The following PDE12 variants were observed in gnomAD, a reference collection of about 807,000 sequenced individuals.
PDE12 encodes the protein 2',5'-phosphodiesterase 12.
A neutral mutation model predicts 45.4 loss-of-function variants in PDE12; 26 were observed. The ratio of observed to expected loss-of-function variants is 0.57; its 90% CI spans 0.42 to 0.79. The LOEUF is 0.79. PDE12 is among the 30% of genes least tolerant of loss of function. The probability of loss-of-function intolerance (pLI) is 0.00; values close to 1 mark genes in which losing one functional copy is unlikely to be tolerated. For missense variants in PDE12, 668 were observed against 790.0 expected, an observed-to-expected ratio of 0.85 and a Z score of 1.85; for synonymous variants, 283 against 323.9, an observed-to-expected ratio of 0.87 and a Z score of 1.36.
the PDE12 span, among the ~76,000 whole-genome samples, chr3:57,632,010 C>T: frequency 6.9e-6 from 1 of 145,608 alleles, no homozygotes; most frequent in African/African-American, 2.5e-5. Context: ...GCGTGAGCCA[C>T]CGCGCCCGGC....
At position 57,564,819 on chromosome 3, in the gene PDE12, G is replaced by C. The variant is rs7643904; in HGVS notation, c.*4815G>C. 6.8e-6 allele frequency: 1 copy of C among 147,914 alleles called. No homozygotes were observed. Among genetic ancestry groups the C allele is most frequent in the Admixed American group, 6.8e-5 (1 of 14,718 alleles). The allele number at this position is 147,914 out of a possible 1,614,324, so 9.2% of individuals were successfully genotyped here. ...ATAGCTGGGACTACAGGTGCGCACCGCCACACCTGGCTAATTTTTGTATAT... is the reference window on the plus strand; with the variant it reads ...ATAGCTGGGACTACAGGTGCGCACCCCCACACCTGGCTAATTTTTGTATAT... On this transcript the variant is annotated 3_prime_UTR_variant, in exon 3 of 3. Transcript: ENST00000311180.
the PDE12 span, among the ~76,000 whole-genome samples, chr3:57,589,533 C>T: frequency 2.6e-5 from 4 of 151,648 alleles, no homozygotes; most frequent in Non-Finnish European, 4.4e-5. Flanking sequence ...GCCTGGCCAA[C>T]GTGGTGAAAC....
At chr3:57,588,861 G>C in the PDE12 span, among the ~76,000 whole-genome samples, 4 of 152,016 alleles carry the variant, frequency 2.6e-5, no homozygotes, top group Non-Finnish European at 5.9e-5. Context: ...CCAGCACTTT[G>C]GGAAGCCAAG....
the PDE12 span, chr3:57,584,592 G>T: frequency 1.3e-6 from 1 of 769,646 alleles, no homozygotes; most frequent in Non-Finnish European, 2.1e-6. Flanking sequence ...AGTTAGAAAT[G>T]AAATGACCTT....
At chr3:57,648,842 C>T in the PDE12 span, among the ~76,000 whole-genome samples, 1 of 152,178 alleles carries the variant, frequency 6.6e-6, no homozygotes, top group Admixed American at 6.5e-5. Flanking sequence ...GGATCCTCAT[C>T]TCTCATCCTT....
chr3:57,603,855 CAG>C, the PDE12 span, among the ~76,000 whole-genome samples: 1 of 151,924 alleles, frequency 6.6e-6, no homozygotes, highest in Non-Finnish European at 1.5e-5. Context: ...CTCCTGACCT[CAG>C]GTGATCCACC....
the PDE12 span, among the ~76,000 whole-genome samples, chr3:57,601,586 A>C: frequency 6.6e-6 from 1 of 152,132 alleles, no homozygotes; most frequent in Non-Finnish European, 1.5e-5. Context: ...GGCAACTGTA[A>C]GGGCCTTGAG....
chr3:57,611,249 T>C, the PDE12 span, among the ~76,000 whole-genome samples: 1 of 152,124 alleles, frequency 6.6e-6, no homozygotes, highest in South Asian at 2.1e-4. Flanking sequence ...GGATTAAAGA[T>C]TTAAATGTTA....
the PDE12 span, among the ~76,000 whole-genome samples, chr3:57,601,132 T>TTG: frequency 1.9e-5 from 2 of 104,308 alleles, no homozygotes; most frequent in Admixed American, 2.2e-4. Context: ...TTTTATTTTA[T>TTG]TTTTTTTTGC....
chr3:57,613,778 G>A, the PDE12 span, among the ~76,000 whole-genome samples: 1 of 151,360 alleles, frequency 6.6e-6, no homozygotes, highest in Non-Finnish European at 1.5e-5. Flanking sequence ...GCAGGCACCT[G>A]TAGTCCCAGC....
At chr3:57,573,004 C>T in the PDE12 span, among the ~76,000 whole-genome samples, 1 of 151,946 alleles carries the variant, frequency 6.6e-6, no homozygotes, top group Admixed American at 6.6e-5. Context: ...AGATCGAGAC[C>T]TTCCTGGCTA....
chr3:57,596,306 A>T, the PDE12 span, among the ~76,000 whole-genome samples: 1 of 152,232 alleles, frequency 6.6e-6, no homozygotes, highest in Non-Finnish European at 1.5e-5. Context: ...ATTTTTTAAA[A>T]ATTCGTTTCT....
the PDE12 span, among the ~76,000 whole-genome samples, chr3:57,655,383 A>G: frequency 1.3e-5 from 2 of 152,222 alleles, no homozygotes; most frequent in African/African-American, 2.4e-5. Flanking sequence ...TCTTAAAACA[A>G]TATTATGTAA....
rs1462244791 is a variant in PDE12, at chr3:57,556,929, A to T, written c.550A>T (p.Ser184Cys). 2.5e-6 allele frequency: 4 copies of T among 1,614,140 alleles called. No homozygotes were observed. In the Admixed American group the frequency reaches 6.7e-5, roughly 27 times the overall value. ...CGGGTTCCCTGTGTGCCCCAAACTCAGCCTCGAATTTGGGGATCCCGCCAG... is the reference window on the plus strand; with the variant it reads ...CGGGTTCCCTGTGTGCCCCAAACTCTGCCTCGAATTTGGGGATCCCGCCAG... ...MAGFPVCPKL[S>C]LEFGDPASSL... Residue 184 changes from serine to cysteine, a missense_variant, in exon 1 of 3, where the codon AGC becomes TGC. By Grantham distance (112) the Ser-to-Cys change is moderately radical. Transcript: ENST00000311180. The surrounding 1 kb of genome is among the most constrained non-coding windows in gnomAD (Gnocchi z 5.0).
chr3:57,573,859 GGT>G, the PDE12 span, among the ~76,000 whole-genome samples: 2 of 152,218 alleles, frequency 1.3e-5, no homozygotes, highest in East Asian at 3.8e-4. Context: ...TGGGATTACA[GGT>G]GTGAGCCACC....
the PDE12 span, among the ~76,000 whole-genome samples, chr3:57,650,878 A>G: frequency 6.7e-6 from 1 of 149,616 alleles, no homozygotes; most frequent in Admixed American, 6.8e-5. Context: ...TCCGCCTCCC[A>G]GATTCAAGAG....
chr3:57,596,840 A>G, the PDE12 span: 26 of 523,032 alleles, frequency 5.0e-5, no homozygotes, highest in Non-Finnish European at 7.9e-5. Context: ...AGCCGAGTCC[A>G]GAAAGAAATC....
At chr3:57,568,761 A>G (rs529305451), downstream of PDE12, among the ~76,000 whole-genome samples, 2 of 151,692 alleles carry the variant, frequency 1.3e-5, no homozygotes, top group Non-Finnish European at 2.9e-5. Flanking sequence ...GGAAAATTTC[A>G]TGGAAATTGA....
chr3:57,561,218 T>A lies in PDE12; in HGVS notation c.*1214T>A. On this transcript the variant is annotated 3_prime_UTR_variant, in exon 3 of 3. Transcript: ENST00000311180. ...GATATTAGAAAATACAGCACATTAC[T>A]TTATGAGAAACTACCTACTGATATG... 3.0e-6 allele frequency: 3 copies of A among 984,894 alleles called. No homozygotes were observed. The highest frequency in any genetic ancestry group is 3.6e-6 in the Non-Finnish European group (3 of 829,090). The allele number at this position is 984,894 out of a possible 1,614,324, so 61.0% of individuals were successfully genotyped here.
Sources: allele counts gnomAD v4.1 joint callset (sites outside exome capture counted in the v4.1 genomes callset), GRCh38; gene constraint gnomAD v4.1.1; non-coding constraint Gnocchi (gnomAD v3.1); transcripts MANE v1.5; gene names NCBI Gene and HGNC (gene_info 2026-07-23, HGNC 2026-07-21).